The following PRPF8 variants were observed in gnomAD, a reference collection of about 807,000 sequenced individuals.
PRPF8 encodes pre-mRNA processing factor 8.
Under a neutral mutation model 285.9 loss-of-function variants are expected in PRPF8, and 64 were observed. That is an observed-to-expected ratio of 0.22 (90% CI 0.18 to 0.28). The LOEUF (loss-of-function observed/expected upper bound fraction) is 0.28, where lower values mean the gene tolerates loss of function less well. Ranked by LOEUF, PRPF8 falls within the 10% of genes least tolerant of loss-of-function variation. The pLI, the probability that PRPF8 is intolerant of heterozygous loss-of-function variation, is 1.00. For synonymous variants in PRPF8, 1,325 were observed against 1,118.2 expected (o/e 1.18, Z -3.69); for missense variants, 1,426 against 3,026.7 (o/e 0.47, Z 12.41).
rs1912409991 is a variant in PRPF8 at position 1,673,034 on chromosome 17, G to A, written c.3774+47C>T. 4 of 1,544,016 alleles carry A rather than the reference G, an allele frequency of 2.6e-6. No homozygotes were observed. Among genetic ancestry groups the A allele is most frequent in the Non-Finnish European group, 3.6e-6 (4 of 1,116,052 alleles). On this transcript the variant is annotated intron_variant, in intron 24 of 42. Transcript: ENST00000304992. This position sits in a 1 kb window ranked among gnomAD's most constrained non-coding sequence, Gnocchi z 5.5. ...AAGTGAAAGGGGTGTGAAATGAGCA[G>A]AGGACAGCAGAGGACAAGAGGGAAG...
intron 3 of PRPF8, chr17:1,682,975 C>T (rs1442359141): frequency 5.2e-6 from 1 of 191,354 alleles, no homozygotes; most frequent in Non-Finnish European, 1.1e-5. Flanking sequence ...ACCAGCTCAA[C>T]CATAGGGACA....
Position 1,651,903 on chromosome 17 carries a change from G to T in PRPF8, c.6370-115C>A, listed in dbSNP as rs567046969. ...GAACGAGGACAGAGTTTCTTAAAAC[G>T]TGATCAGAACCCCCTGTATCAGAAT... On this transcript the variant is annotated intron_variant, in intron 39 of 42. Transcript: ENST00000304992. This position sits in a 1 kb window ranked among gnomAD's most constrained non-coding sequence, Gnocchi z 5.1. 14 of 1,337,382 alleles carry T rather than the reference G, an allele frequency of 1.0e-5. No homozygotes were observed. Among genetic ancestry groups the T allele is most frequent in the Non-Finnish European group, 1.3e-5 (12 of 940,958 alleles). The allele number at this position is 1,337,382 out of a possible 1,614,324, so 82.8% of individuals were successfully genotyped here. A position where few individuals can be genotyped will look rare whatever the true frequency, so the allele number is the denominator to read the frequency against.
Position 1,650,739 on chromosome 17 carries a change from C to A in PRPF8, c.*63G>T, listed in dbSNP as rs755393216. On this transcript the variant is annotated 3_prime_UTR_variant, in exon 43 of 43. Coordinates refer to ENST00000304992, the MANE Select transcript of PRPF8 (RefSeq NM_006445.4). ...AAGAGGCCAAACTGCTGAATGTCAG[C>A]GGCCTGTCTGGAGGGGCTGAGGCTT... 6.3e-7 allele frequency: 1 copy of A among 1,592,740 alleles called. No homozygotes were observed. Among genetic ancestry groups the A allele is most frequent in the Non-Finnish European group, 8.6e-7 (1 of 1,162,352 alleles).
intron 8 of PRPF8, 48 bp downstream of exon 8, chr17:1,680,678 G>A (rs756957652): frequency 6.5e-6 from 10 of 1,529,812 alleles, no homozygotes; most frequent in East Asian, 4.5e-5. Flanking sequence ...CCAACCTCAC[G>A]CATTTCTCCT....
Position 1,673,272 on chromosome 17 carries a change from A to C in PRPF8, c.3658-75T>G. 6.2e-7 allele frequency: 1 copy of C among 1,605,448 alleles called. No individual in the cohort carries two copies. Among genetic ancestry groups the C allele is most frequent in the Non-Finnish European group, 8.5e-7 (1 of 1,172,646 alleles). On this transcript the variant is annotated intron_variant, in intron 23 of 42. Transcript: ENST00000304992. This position sits in a 1 kb window ranked among gnomAD's most constrained non-coding sequence, Gnocchi z 5.5. ...AAGAGCCAACTGTGCCCACCACTCA[A>C]GTCTTTCCACCCAACAAGACTCCGG...
chr17:1,653,741 C>T lies in PRPF8; in HGVS notation c.6227+36G>A, dbSNP rs201898563. ...AGCCCAGCACCTTAGGTAGTGCAGC[C>T]GGCCTTTCCATCCCCACCCTCTTGC... On this transcript the variant is annotated intron_variant, in intron 38 of 42. Coordinates refer to ENST00000304992, the MANE Select transcript of PRPF8 (RefSeq NM_006445.4). The surrounding 1 kb of genome is among the most constrained non-coding windows in gnomAD (Gnocchi z 4.9). 184 of 1,614,118 alleles carry T rather than the reference C, an allele frequency of 1.1e-4. No homozygotes were observed. Among genetic ancestry groups the T allele is most frequent in the African/African-American group, 5.2e-4 (39 of 75,020 alleles).
chr17:1,670,316 GT>G (rs1912235913), intron 24 of PRPF8, among the ~76,000 whole-genome samples: 1 of 152,140 alleles, frequency 6.6e-6, no homozygotes, highest in Non-Finnish European at 1.5e-5. Context: ...TGGTCTTCCA[GT>G]TGGTGGCACT....
chr17:1,659,699 A>G lies in PRPF8; in HGVS notation c.4946+142T>C, dbSNP rs1911581699. 10 of 1,352,556 alleles carry G rather than the reference A, an allele frequency of 7.4e-6. No homozygotes were observed. Among genetic ancestry groups the G allele is most frequent in the South Asian group, 6.2e-5 (5 of 81,004 alleles). 83.8% of individuals were successfully genotyped at this position (1,352,556 alleles called of 1,614,324 possible). ...CCCAGAGAATCAGCAGATCTGACTA[A>G]GGGTGTTGACAGGCTCCAAGCGTAG... On this transcript the variant is annotated intron_variant, in intron 31 of 42. Coordinates refer to ENST00000304992, the MANE Select transcript of PRPF8 (RefSeq NM_006445.4). The surrounding 1 kb of genome is among the most constrained non-coding windows in gnomAD (Gnocchi z 5.1).
At chr17:1,672,902 C>T (rs902088927) in intron 24 of PRPF8, 179 bp downstream of exon 24, 1 of 669,244 alleles carries the variant, frequency 1.5e-6, no homozygotes, top group African/African-American at 1.8e-5. Context: ...AAGGAACGCT[C>T]AGAAAATAAC....
chr17:1,660,639 C>T (rs80348743), intron 29 of PRPF8, 59 bp downstream of exon 29: 52,081 of 1,614,168 alleles, frequency 0.032, 1,199 homozygotes, highest in South Asian at 0.087. Context: ...CACGACATAA[C>T]CAAGGCAAGA....
intron 39 of PRPF8, chr17:1,652,712 GT>G (rs59164655): frequency 0.18 from 22,183 of 125,438 alleles, 3,754 homozygotes; most frequent in African/African-American, 0.48. Flanking sequence ...TGCCTGGCTA[GT>G]TTTTTTTTTT....
chr17:1,675,988 G>C lies in PRPF8; in HGVS notation c.2619C>G (p.Asn873Lys). 6.2e-7 allele frequency: 1 copy of C among 1,613,962 alleles called. No individual in the cohort carries two copies. Among genetic ancestry groups the C allele is most frequent in the Non-Finnish European group, 8.5e-7 (1 of 1,180,034 alleles). ...ELGLIEQAYD[N>K]PHEALSRIKR... ...TGATGCGGGACAGCGCCTCGTGGGG[G>C]TTATCGTAGGCCTGCTCGATCAGAC... Residue 873 changes from asparagine to lysine, a missense_variant, in exon 18 of 43, where the codon AAC becomes AAG. Asn to Lys is a moderately conservative substitution (Grantham distance 94). Coordinates refer to ENST00000304992, the MANE Select transcript of PRPF8 (RefSeq NM_006445.4). The surrounding 1 kb of genome is among the most constrained non-coding windows in gnomAD (Gnocchi z 6.0).
In PRPF8 at chr17:1,658,132, G is replaced by T; in HGVS notation, c.5505+121C>A. On this transcript the variant is annotated intron_variant, in intron 34 of 42. Coordinates refer to ENST00000304992, the MANE Select transcript of PRPF8 (RefSeq NM_006445.4). This position sits in a 1 kb window ranked among gnomAD's most constrained non-coding sequence, Gnocchi z 4.1. ...AGAATACTTCCCAAGGTATTTTGGGGATAAGTTCAAATGAGATGTTCTCAG... is the reference window on the plus strand; with the variant it reads ...AGAATACTTCCCAAGGTATTTTGGGTATAAGTTCAAATGAGATGTTCTCAG... 1 of 1,448,558 alleles carries T rather than the reference G, an allele frequency of 6.9e-7. No homozygotes were observed. The allele number at this position is 1,448,558 out of a possible 1,614,324, so 89.7% of individuals were successfully genotyped here.
rs1431853721 is a variant in PRPF8 at position 1,659,425 on chromosome 17, G to A, written c.5070C>T (p.Asp1690=). 2 of 1,614,148 alleles carry A rather than the reference G, an allele frequency of 1.2e-6. No homozygotes were observed. The highest frequency in any genetic ancestry group is 1.7e-6 in the Non-Finnish European group (2 of 1,180,034). Residue 1690 remains aspartate (D), a synonymous_variant, in exon 32 of 43, where the codon GAC becomes GAT. Coordinates refer to ENST00000304992, the MANE Select transcript of PRPF8 (RefSeq NM_006445.4). The surrounding 1 kb of genome is among the most constrained non-coding windows in gnomAD (Gnocchi z 5.1). ...TGGGCGAAGGGTAGATACTCATGTTGTCGGTGGTGTAGTCCAGGAACTTGG... is the reference window on the plus strand; with the variant it reads ...TGGGCGAAGGGTAGATACTCATGTTATCGGTGGTGTAGTCCAGGAACTTGG... ...ARAKFLDYTT[D]NMSIYPSPTG... is the part of the protein sequence containing the mutation.
chr17:1,670,162 TA>T (rs1262143871), intron 24 of PRPF8, among the ~76,000 whole-genome samples: 4 of 152,330 alleles, frequency 2.6e-5, no homozygotes, highest in African/African-American at 9.6e-5. Context: ...TATATGTACT[TA>T]AATATGTATC....
chr17:1,664,370 T>C (rs1175548170), intron 24 of PRPF8, among the ~76,000 whole-genome samples: 3 of 152,212 alleles, frequency 2.0e-5, no homozygotes, highest in African/African-American at 4.8e-5. Flanking sequence ...ACTAAGGATA[T>C]AGAAGACTTA....
At chr17:1,678,434 G>C in intron 13 of PRPF8, 84 bp downstream of exon 13, 1 of 1,570,180 alleles carries the variant, frequency 6.4e-7, no homozygotes, top group Non-Finnish European at 8.8e-7. Context: ...AGTGAGCCAA[G>C]ATCGTGCCAT....
chr17:1,665,542 A>G (rs1204683615), intron 24 of PRPF8, among the ~76,000 whole-genome samples: 1 of 145,056 alleles, frequency 6.9e-6, no homozygotes, highest in Non-Finnish European at 1.5e-5. Context: ...CGTCTCAAAC[A>G]AAAAAAAACG....
chr17:1,670,154 T>C (rs1391055920), intron 24 of PRPF8, among the ~76,000 whole-genome samples: 2 of 152,210 alleles, frequency 1.3e-5, no homozygotes, highest in Admixed American at 6.5e-5. Flanking sequence ...CATGTGTATA[T>C]ATGTACTTAA....
Sources: allele counts gnomAD v4.1 joint callset (sites outside exome capture counted in the v4.1 genomes callset), GRCh38; gene constraint gnomAD v4.1.1; non-coding constraint Gnocchi (gnomAD v3.1); transcripts MANE v1.5; gene names NCBI Gene and HGNC (gene_info 2026-07-23, HGNC 2026-07-21).